Variants in ELAVL4 observed in about 807,000 individuals in gnomAD.
ELAVL4 encodes the protein ELAV like RNA binding protein 4.
In ELAVL4, 1 loss-of-function variant was observed where a neutral mutation model predicts 35.6. The ratio of observed to expected loss-of-function variants is 0.03; its 90% CI spans 0.01 to 0.13. ELAVL4 has a LOEUF of 0.13. Ranked by LOEUF, ELAVL4 falls within the 10% of genes least tolerant of loss-of-function variation. The pLI, the probability that ELAVL4 is intolerant of heterozygous loss-of-function variation, is 1.00. For synonymous variants in ELAVL4, 156 were observed against 171.0 expected (o/e 0.91, Z 0.69); for missense variants, 267 against 464.9 (o/e 0.57, Z 3.91).
chr1:50,070,750 A>G (rs1664481523), intron 1 of ELAVL4, among the ~76,000 whole-genome samples: 1 of 151,752 alleles, frequency 6.6e-6, no homozygotes, highest in Admixed American at 6.6e-5. Flanking sequence ...CAAAAAAAAA[A>G]AAAAAAAAAA....
At chr1:50,101,523 T>C (rs896073147), upstream of ELAVL4, among the ~76,000 whole-genome samples, 8 of 152,324 alleles carry the variant, frequency 5.3e-5, no homozygotes, top group Middle Eastern at 3.4e-3. Flanking sequence ...ATCTTGCTAT[T>C]TTTTAGTTGA....
chr1:50,086,034 C>A (rs1665224590), intron 1 of ELAVL4, among the ~76,000 whole-genome samples: 1 of 152,100 alleles, frequency 6.6e-6, no homozygotes, highest in South Asian at 2.1e-4. Flanking sequence ...TTTTGTAATA[C>A]ATTTATGTGA....
intron 1 of ELAVL4, among the ~76,000 whole-genome samples, chr1:50,057,117 T>C (rs1382628763): frequency 2.0e-5 from 3 of 152,074 alleles, no homozygotes; most frequent in Non-Finnish European, 4.4e-5. Context: ...ACAGTGATAT[T>C]GGTGATTCTG....
intron 1 of ELAVL4, among the ~76,000 whole-genome samples, chr1:50,095,311 G>T (rs975980518): frequency 6.6e-6 from 1 of 152,080 alleles, no homozygotes; most frequent in African/African-American, 2.4e-5. Context: ...TGGGTGTGGG[G>T]TAGGCATTAA....
At chr1:50,096,623 A>G (rs1404288926) in intron 1 of ELAVL4, among the ~76,000 whole-genome samples, 2 of 152,072 alleles carry the variant, frequency 1.3e-5, no homozygotes, top group Non-Finnish European at 2.9e-5. Context: ...CATAGGGCAA[A>G]CCATAAGAAA....
At position 50,189,638 on chromosome 1, in the gene ELAVL4, G is replaced by A. The variant is rs139513778; in HGVS notation, c.355-4127G>A. On this transcript the variant is annotated intron_variant, in intron 3 of 6. Coordinates refer to ENST00000371824, the MANE Select transcript of ELAVL4 (RefSeq NM_001144774.3). ...GTTTGTTTTTTGGGGGTTTTTTTCC[G>A]GTGAAATTGGAGGGTATGTCCCAAT... is the stretch of plus-strand genomic sequence containing the variant. Among the ~76,000 whole-genome samples the A allele has an allele frequency of 1.4e-4, 22 of 152,126 alleles. No individual in the cohort carries two copies. The South Asian group carries it at 1.9e-3, about 13-fold the overall frequency.
At chr1:50,177,286 C>A (rs1347809236) in intron 3 of ELAVL4, 94 bp downstream of exon 3, 2 of 928,150 alleles carry the variant, frequency 2.2e-6, no homozygotes, top group South Asian at 1.4e-5. Context: ...GGGCTGGAAG[C>A]AGTGTTCTTG....
chr1:50,126,474 G>A (rs1026528395), intron 1 of ELAVL4, among the ~76,000 whole-genome samples: 1 of 152,024 alleles, frequency 6.6e-6, no homozygotes. Flanking sequence ...ATTTTCATAT[G>A]TCAAAAATTT....
chr1:50,135,803 A>G (rs895242912), intron 1 of ELAVL4, among the ~76,000 whole-genome samples: 12 of 152,154 alleles, frequency 7.9e-5, no homozygotes, highest in African/African-American at 2.4e-4. Context: ...CAGAAGCTAC[A>G]GAAACATGGT....
intron 1 of ELAVL4, among the ~76,000 whole-genome samples, chr1:50,117,196 A>C: frequency 6.6e-6 from 1 of 152,146 alleles, no homozygotes; most frequent in East Asian, 1.9e-4. Context: ...CTCTAGTGGA[A>C]AAGTTAATCT....
intron 2 of ELAVL4, among the ~76,000 whole-genome samples, chr1:50,145,423 A>G (rs936734325): frequency 1.8e-4 from 28 of 152,194 alleles, no homozygotes; most frequent in African/African-American, 6.5e-4. Context: ...TCTTCATGTA[A>G]AATGATCCTT....
intron 2 of ELAVL4, among the ~76,000 whole-genome samples, chr1:50,158,407 G>C (rs998052809): frequency 6.6e-6 from 1 of 151,694 alleles, no homozygotes; most frequent in African/African-American, 2.4e-5. Flanking sequence ...TAGATACTCT[G>C]TTTGTGTGTG....
intron 1 of ELAVL4, among the ~76,000 whole-genome samples, chr1:50,089,405 T>G (rs1665394961): frequency 6.6e-6 from 1 of 152,224 alleles, no homozygotes; most frequent in South Asian, 2.1e-4. Flanking sequence ...AAAACAAACT[T>G]GATTTTTAAA....
intron 6 of ELAVL4, among the ~76,000 whole-genome samples, chr1:50,198,616 TC>T (rs1171729698): frequency 6.6e-6 from 1 of 152,228 alleles, no homozygotes; most frequent in Non-Finnish European, 1.5e-5. Context: ...GTTTGCCTGT[TC>T]CCAGGGATTT....
Position 50,152,859 on chromosome 1 carries a change from A to G in ELAVL4, c.250+7662A>G, listed in dbSNP as rs7530174. ...ATTCAGATAGAGATCATATATTTGT[A>G]TAAGGTTTTTATATTTGTAAAACAT... On this transcript the variant is annotated intron_variant, in intron 2 of 6. Coordinates refer to ENST00000371824, the MANE Select transcript of ELAVL4 (RefSeq NM_001144774.3). Among the ~76,000 whole-genome samples the G allele has an allele frequency of 6.7e-3, 1,026 of 152,354 alleles. 3 individuals are homozygous for G. The highest frequency in any genetic ancestry group is 0.01 in the Non-Finnish European group (691 of 68,030).
chr1:50,114,316 G>A (rs965618019), intron 1 of ELAVL4, among the ~76,000 whole-genome samples: 3 of 152,062 alleles, frequency 2.0e-5, no homozygotes, highest in African/African-American at 7.2e-5. Flanking sequence ...TAAGGAGGCG[G>A]TAAGATGGAA....
At chr1:50,107,477 C>T (rs1015835515), upstream of ELAVL4, among the ~76,000 whole-genome samples, 4 of 152,108 alleles carry the variant, frequency 2.6e-5, no homozygotes, top group South Asian at 2.1e-4. Context: ...GTTCATGAAA[C>T]AGCATCTTGG....
intron 1 of ELAVL4, chr1:50,048,312 G>C (rs1663175490): frequency 8.2e-7 from 1 of 1,219,974 alleles, no homozygotes. Flanking sequence ...TCCCAGGGAG[G>C]GGGAGAGGGC....
At chr1:50,057,667 G>T (rs562751098) in intron 1 of ELAVL4, among the ~76,000 whole-genome samples, 1 of 152,194 alleles carries the variant, frequency 6.6e-6, no homozygotes, top group Non-Finnish European at 1.5e-5. Flanking sequence ...AGTTTGTAGC[G>T]TGTGAACAGT....
Sources: gnomAD v4.1 joint callset for allele counts (sites outside exome capture counted in the v4.1 genomes callset) on GRCh38, gnomAD v4.1.1 for gene constraint, MANE v1.5 for transcripts, NCBI Gene and HGNC (gene_info 2026-07-23, HGNC 2026-07-21) for gene names.